SDK2: variants seen among roughly 807,000 people sequenced by gnomAD.
SDK2 encodes protein sidekick-2.
In SDK2, 105 loss-of-function variants were observed where a neutral mutation model predicts 253.9. That is an observed-to-expected ratio of 0.41 (90% confidence interval 0.35 to 0.49). The LOEUF is 0.49. SDK2 is among the 20% of genes least tolerant of loss of function. SDK2 has a pLI of 0.06. For synonymous variants in SDK2, 1,249 were observed against 1,234.9 expected (o/e 1.01, Z -0.24); for missense variants, 2,608 against 3,003.0 (o/e 0.87, Z 3.07).
rs1235915502 is a variant in SDK2, at chr17:73,345,802, G to A, written c.6165+2797C>T. On this transcript the variant is annotated intron_variant, in intron 44 of 44. Coordinates refer to ENST00000392650, the MANE Select transcript of SDK2 (RefSeq NM_001144952.2). Reference sequence around the variant, plus strand: ...CCACCAGTGCTTCCTAGAGGACTCTGAAGCTTAGGTGGTGTCATTCACGAA... The same window carrying A: ...CCACCAGTGCTTCCTAGAGGACTCTAAAGCTTAGGTGGTGTCATTCACGAA... 2.0e-5 allele frequency among the ~76,000 whole-genome samples: 3 copies of A among 152,304 alleles called. No individual in the cohort carries two copies. The East Asian group carries it at 5.8e-4, about 29-fold the overall frequency.
chr17:73,478,189 C>G (rs2063698875), intron 2 of SDK2, among the ~76,000 whole-genome samples: 1 of 152,122 alleles, frequency 6.6e-6, no homozygotes, highest in Non-Finnish European at 1.5e-5. Flanking sequence ...GAATCCCTCC[C>G]CATTATAAAC....
intron 1 of SDK2, among the ~76,000 whole-genome samples, chr17:73,623,780 G>A (rs369648663): frequency 5.3e-5 from 8 of 152,076 alleles, no homozygotes; most frequent in African/African-American, 1.2e-4. Context: ...TGCTCTGCCC[G>A]TTTCCCGGAT....
chr17:73,440,522 G>T (rs561435061), intron 6 of SDK2, among the ~76,000 whole-genome samples: 1 of 152,316 alleles, frequency 6.6e-6, no homozygotes, highest in East Asian at 1.9e-4. Flanking sequence ...TCCTCCAAGG[G>T]TTAGAAGTGA....
In SDK2 at chr17:73,379,567, G is replaced by A. The variant is rs1275705377; in HGVS notation, c.4763-18C>T. ...GTTCAGGTCTGTGGGGGAGAGTGGG[G>A]GAGGGGAAGCACACTGAGGTCACCG... is the stretch of plus-strand genomic sequence containing the variant. On this transcript the variant is annotated intron_variant, in intron 34 of 44. Transcript: ENST00000392650. The surrounding 1 kb of genome is among the most constrained non-coding windows in gnomAD (Gnocchi z 4.5). 2.6e-6 allele frequency: 4 copies of A among 1,513,032 alleles called. No individual in the cohort carries two copies. Among genetic ancestry groups the A allele is most frequent in the African/African-American group, 1.4e-5 (1 of 73,032 alleles). 93.7% of individuals were successfully genotyped at this position (1,513,032 alleles called of 1,614,324 possible).
At chr17:73,554,166 G>T (rs1278534355) in intron 1 of SDK2, among the ~76,000 whole-genome samples, 1 of 152,116 alleles carries the variant, frequency 6.6e-6, no homozygotes, top group East Asian at 1.9e-4. Flanking sequence ...TGAGGACAGG[G>T]GGCAAGTCAT....
intron 1 of SDK2, among the ~76,000 whole-genome samples, chr17:73,577,612 C>T (rs893303621): frequency 1.3e-5 from 2 of 152,160 alleles, no homozygotes; most frequent in Non-Finnish European, 2.9e-5. Context: ...TCAGTTCTCC[C>T]TGAGAGAGGC....
At chr17:73,519,415 G>C (rs529623828) in intron 1 of SDK2, 1 of 152,394 alleles carries the variant, frequency 6.6e-6, no homozygotes, top group South Asian at 2.1e-4. Flanking sequence ...GGTGTCCTTA[G>C]GGGCTTGACC....
intron 3 of SDK2, among the ~76,000 whole-genome samples, chr17:73,459,798 G>A (rs1283375951): frequency 6.6e-6 from 1 of 151,944 alleles, no homozygotes; most frequent in Non-Finnish European, 1.5e-5. Flanking sequence ...CAAAGCATTG[G>A]GATTACAGGT....
intron 1 of SDK2, among the ~76,000 whole-genome samples, chr17:73,510,334 G>A (rs1003140767): frequency 3.9e-5 from 6 of 152,040 alleles, no homozygotes; most frequent in South Asian, 2.1e-4. Context: ...TATAACCTGC[G>A]GCAGGTTGGG....
chr17:73,401,718 C>A lies in SDK2; in HGVS notation c.2715G>T (p.Glu905Asp), dbSNP rs1008577296. 1.9e-6 allele frequency: 3 copies of A among 1,589,544 alleles called. No individual in the cohort carries two copies. The highest frequency in any genetic ancestry group is 3.5e-5 in the Admixed American group (2 of 56,950). Residue 905 changes from glutamate (E) to aspartate (D), a missense_variant, in exon 20 of 45, where the codon GAG becomes GAT. Glu to Asp is a conservative substitution (Grantham distance 45). Transcript: ENST00000392650. ...PGPVGHLSFS[E>D]ILDTSLKVSW... ...TGACCTTCAGCGATGTGTCCAGGATCTCACTGAAGCTCAGGTGTCCCACGG... is the reference window on the plus strand; with the variant it reads ...TGACCTTCAGCGATGTGTCCAGGATATCACTGAAGCTCAGGTGTCCCACGG...
chr17:73,587,455 AC>A (rs2045617718), intron 1 of SDK2, among the ~76,000 whole-genome samples: 1 of 151,886 alleles, frequency 6.6e-6, no homozygotes, highest in African/African-American at 2.4e-5. Context: ...CAGCATCACC[AC>A]CCTACTTAGC....
rs374727187 is a variant in SDK2 at position 73,456,015 on chromosome 17, C to T, written c.370G>A (p.Val124Ile). The change falls in exon 4 of 45, where the codon GTC becomes ATC. Residue 124 changes from valine to isoleucine, a missense_variant. Val to Ile is a conservative substitution (Grantham distance 29). Transcript: ENST00000392650. ...ATGACAGCTGCTTCTCCGTGGGAGACGCTCTGGTGCTTCTCACCTTCCTCA... is the reference window on the plus strand; with the variant it reads ...ATGACAGCTGCTTCTCCGTGGGAGATGCTCTGGTGCTTCTCACCTTCCTCA... Reference protein sequence around the residue: ...SFEEGEKHQSVSHGEAAVIRA... With the variant: ...SFEEGEKHQSISHGEAAVIRA... 3.8e-4 allele frequency: 591 copies of T among 1,538,018 alleles called. 1 individual carries two copies. Among genetic ancestry groups the T allele is most frequent in the Non-Finnish European group, 4.7e-4 (538 of 1,139,132 alleles).
chr17:73,393,242 C>CCA (rs2062942735), intron 27 of SDK2, among the ~76,000 whole-genome samples: 1 of 85,544 alleles, frequency 1.2e-5, no homozygotes, highest in East Asian at 3.5e-4. Flanking sequence ...GATACTCTAT[C>CCA]AAAAAAAAAA....
intron 2 of SDK2, among the ~76,000 whole-genome samples, chr17:73,500,093 C>T (rs1465664601): frequency 1.3e-5 from 2 of 149,818 alleles, no homozygotes; most frequent in Non-Finnish European, 2.9e-5. Flanking sequence ...CATTCTCCTC[C>T]ATCCTCCGTC....
intron 2 of SDK2, among the ~76,000 whole-genome samples, chr17:73,501,349 C>T (rs565650718): frequency 1.5e-4 from 23 of 152,298 alleles, no homozygotes; most frequent in African/African-American, 5.5e-4. Flanking sequence ...CACCTGTCCC[C>T]AGCACATGCC....
At chr17:73,559,453 G>A (rs796724010) in intron 1 of SDK2, among the ~76,000 whole-genome samples, 11 of 152,212 alleles carry the variant, frequency 7.2e-5, no homozygotes, top group African/African-American at 2.6e-4. Flanking sequence ...TTCTTTTTGC[G>A]GGCTCTTGAG....
At chr17:73,608,753 C>T (rs1468497680) in intron 1 of SDK2, among the ~76,000 whole-genome samples, 6 of 152,056 alleles carry the variant, frequency 3.9e-5, no homozygotes. Flanking sequence ...TAAAATTTCC[C>T]TTTTTGTATG....
chr17:73,483,307 C>CTTTTTTT (rs3070666), intron 2 of SDK2, among the ~76,000 whole-genome samples: 2 of 116,932 alleles, frequency 1.7e-5, no homozygotes, highest in African/African-American at 3.2e-5. Context: ...CAAGACAGAA[C>CTTTTTTT]TTTTTTTTTT....
At chr17:73,471,345 C>G (rs953433653) in intron 3 of SDK2, among the ~76,000 whole-genome samples, 1 of 152,150 alleles carries the variant, frequency 6.6e-6, no homozygotes, top group South Asian at 2.1e-4. Context: ...CACCTGTAAA[C>G]CCAGCACTTT....
Sources: allele counts gnomAD v4.1 joint callset (sites outside exome capture counted in the v4.1 genomes callset), GRCh38; gene constraint gnomAD v4.1.1; non-coding constraint Gnocchi (gnomAD v3.1); transcripts MANE v1.5; gene names NCBI Gene and HGNC (gene_info 2026-07-23, HGNC 2026-07-21).